Variants in BNC2 observed in about 807,000 individuals in gnomAD.
BNC2 encodes zinc finger protein basonuclin-2.
Under a neutral mutation model 76.3 loss-of-function variants are expected in BNC2, and 20 were observed. The ratio of observed to expected loss-of-function variants is 0.26; its 90% CI spans 0.18 to 0.38. The LOEUF is 0.38. Ranked by LOEUF, BNC2 falls within the 10% of genes least tolerant of loss-of-function variation. BNC2 has a pLI of 1.00. For synonymous variants in BNC2, 582 were observed against 514.8 expected (o/e 1.13, Z -1.77); for missense variants, 1,382 against 1,399.8 (o/e 0.99, Z 0.20).
At chr9:16,727,562 G>A in intron 3 of BNC2, 1 of 534,956 alleles carries the variant, frequency 1.9e-6, no homozygotes, top group East Asian at 3.1e-5. Context: ...CAATGTCTCT[G>A]CTTTCTTTTA....
chr9:16,480,421 C>A (rs1247356953), intron 5 of BNC2, among the ~76,000 whole-genome samples: 2 of 152,220 alleles, frequency 1.3e-5, no homozygotes, highest in African/African-American at 4.8e-5. Flanking sequence ...CTTGAGGAGC[C>A]CTTCAGCCCA....
At chr9:16,582,948 A>G in intron 4 of BNC2, 35 bp downstream of exon 4, 1 of 1,445,990 alleles carries the variant, frequency 6.9e-7, no homozygotes, top group Non-Finnish European at 9.7e-7. Context: ...CATGAACATA[A>G]TAAGAACGGG....
At chr9:16,644,758 C>T (rs1048181804) in intron 3 of BNC2, among the ~76,000 whole-genome samples, 1 of 152,194 alleles carries the variant, frequency 6.6e-6, no homozygotes, top group Non-Finnish European at 1.5e-5. Flanking sequence ...GCACAGCCAG[C>T]CCAGCAACTG....
At chr9:16,458,496 CT>C (rs1821503302) in intron 5 of BNC2, among the ~76,000 whole-genome samples, 1 of 152,150 alleles carries the variant, frequency 6.6e-6, no homozygotes, top group Non-Finnish European at 1.5e-5. Context: ...GTTGTCAATT[CT>C]TGGCCTACAA....
chr9:16,424,784 G>T (rs1403850743), intron 6 of BNC2, among the ~76,000 whole-genome samples: 1 of 152,162 alleles, frequency 6.6e-6, no homozygotes, highest in Non-Finnish European at 1.5e-5. Flanking sequence ...AAAATCCACA[G>T]AAATGAAAAA....
At chr9:16,509,935 T>C (rs1417378590) in intron 5 of BNC2, among the ~76,000 whole-genome samples, 1 of 152,202 alleles carries the variant, frequency 6.6e-6, no homozygotes, top group Non-Finnish European at 1.5e-5. Context: ...TTAAGGTGAC[T>C]TTGAGTGCAA....
chr9:16,728,232 G>A (rs1015687589), intron 2 of BNC2: 2 of 589,314 alleles, frequency 3.4e-6, no homozygotes, highest in African/African-American at 3.7e-5. Flanking sequence ...AGGTGTGCAG[G>A]CGGCACTGGA....
chr9:16,801,247 T>C (rs1817771149), intron 1 of BNC2, among the ~76,000 whole-genome samples: 1 of 152,122 alleles, frequency 6.6e-6, no homozygotes, highest in African/African-American at 2.4e-5. Context: ...ATTCATCACC[T>C]TTATTTTTAT....
intron 1 of BNC2, among the ~76,000 whole-genome samples, chr9:16,869,770 G>A (rs1395562692): frequency 1.3e-5 from 2 of 152,168 alleles, no homozygotes; most frequent in African/African-American, 2.4e-5. Context: ...TCTCGTAGAG[G>A]GGCTGTGCTG....
chr9:16,604,776 C>G (rs1820335488), intron 3 of BNC2, among the ~76,000 whole-genome samples: 1 of 152,048 alleles, frequency 6.6e-6, no homozygotes, highest in Non-Finnish European at 1.5e-5. Flanking sequence ...ACACTCCAGC[C>G]TGGGCAACAG....
chr9:16,547,725 C>T (rs996366440), intron 5 of BNC2, among the ~76,000 whole-genome samples: 1 of 152,116 alleles, frequency 6.6e-6, no homozygotes, highest in Admixed American at 6.5e-5. Flanking sequence ...GCAGAAGAAA[C>T]CTTACATGCA....
intron 3 of BNC2, among the ~76,000 whole-genome samples, chr9:16,711,275 A>AG (rs1025808539): frequency 3.9e-5 from 6 of 152,154 alleles, no homozygotes; most frequent in South Asian, 4.1e-4. Flanking sequence ...GAGGTGGGGA[A>AG]GGGGGGGCGG....
At chr9:16,693,762 T>C (rs538598021) in intron 3 of BNC2, among the ~76,000 whole-genome samples, 1 of 152,278 alleles carries the variant, frequency 6.6e-6, no homozygotes, top group South Asian at 2.1e-4. Context: ...AGGAAAAGCT[T>C]ACGAGAAAAA....
At chr9:16,502,838 G>A (rs1009728772) in intron 5 of BNC2, among the ~76,000 whole-genome samples, 1 of 152,206 alleles carries the variant, frequency 6.6e-6, no homozygotes, top group Admixed American at 6.5e-5. Flanking sequence ...TTGATGAAGA[G>A]ATGGGGTTAA....
intron 5 of BNC2, among the ~76,000 whole-genome samples, chr9:16,538,662 T>C (rs191677535): frequency 2.0e-5 from 3 of 152,350 alleles, no homozygotes; most frequent in Admixed American, 2.0e-4. Context: ...TTTTCCATAA[T>C]GGACAGCAAA....
chr9:16,621,252 T>C (rs1292283807), intron 3 of BNC2, among the ~76,000 whole-genome samples: 1 of 152,128 alleles, frequency 6.6e-6, no homozygotes, highest in Non-Finnish European at 1.5e-5. Context: ...CTTACACAGA[T>C]GGTGGACAGC....
Position 16,472,510 on chromosome 9 carries a change from T to C in BNC2, c.670-34986A>G, listed in dbSNP as rs1487264415. ...GCTGTGCACTCTTTTAGGATAAAAA[T>C]TCAGAAGAGGTCACATGGCTTAGTT... On this transcript the variant is annotated intron_variant, in intron 5 of 6. Transcript: ENST00000380672. Among the ~76,000 whole-genome samples the C allele has an allele frequency of 2.0e-5, 3 of 152,192 alleles. 1 individual carries two copies. The highest frequency in any genetic ancestry group is 2.0e-4 in the Admixed American group (3 of 15,278).
chr9:16,437,071 G>A lies in BNC2; in HGVS notation c.1123C>T (p.Pro375Ser). 1 of 1,614,112 alleles carries A rather than the reference G, an allele frequency of 6.2e-7. No homozygotes were observed. Among genetic ancestry groups the A allele is most frequent in the Non-Finnish European group, 8.5e-7 (1 of 1,180,024 alleles). ...TTGGGTGTTTGATCATTCTTATAAG[G>A]TGTGGGAGAAACTTCGGATTCGCTG... ...ESSESEVSPT[P>S]YKNDQTPNRN... The change falls in exon 6 of 7, where the codon CCT (proline) becomes TCT (serine). Residue 375 changes from proline to serine, a missense_variant. Physicochemically the swap from Pro to Ser is moderately conservative, Grantham distance 74 (BLOSUM62 -1). Coordinates refer to ENST00000380672, the MANE Select transcript of BNC2 (RefSeq NM_017637.6).
intron 1 of BNC2, among the ~76,000 whole-genome samples, chr9:16,752,489 C>A (rs1326827129): frequency 6.6e-6 from 1 of 152,200 alleles, no homozygotes; most frequent in East Asian, 1.9e-4. Context: ...AAATAACCAG[C>A]TGACTGAAGC....
Sources: gnomAD v4.1 joint callset for allele counts (sites outside exome capture counted in the v4.1 genomes callset) on GRCh38, gnomAD v4.1.1 for gene constraint, MANE v1.5 for transcripts, NCBI Gene and HGNC (gene_info 2026-07-23, HGNC 2026-07-21) for gene names.